ROBO3: variants seen among roughly 807,000 people sequenced by gnomAD.
ROBO3 encodes the protein roundabout homolog 3.
A neutral mutation model predicts 160.5 loss-of-function variants in ROBO3; 97 were observed. The observed-to-expected ratio is 0.60, with a 90% CI of 0.51 to 0.72. ROBO3 has a LOEUF of 0.72. Ranked by LOEUF, ROBO3 falls within the 30% of genes least tolerant of loss-of-function variation. ROBO3 has a pLI of 0.00. For synonymous variants in ROBO3, 780 were observed against 746.2 expected, an observed-to-expected ratio of 1.05 and a Z score of -0.74; for missense variants, 1,858 against 1,846.5, an observed-to-expected ratio of 1.01 and a Z score of -0.11.
At position 124,865,573 on chromosome 11, in the gene ROBO3, G is replaced by C; in HGVS notation, c.-5G>C. On this transcript the variant is annotated 5_prime_UTR_variant, in exon 1 of 28. Transcript: ENST00000397801. The surrounding 1 kb of genome is among the most constrained non-coding windows in gnomAD (Gnocchi z 5.5). ...CCCCAGTCCCGATCCCAGCTGGGTC[G>C]AGCCATGCTGCGCTACCTGCTGAAA... 6.2e-7 allele frequency: 1 copy of C among 1,610,670 alleles called. No individual in the cohort carries two copies. The highest frequency in any genetic ancestry group is 8.5e-7 in the Non-Finnish European group (1 of 1,179,552).
chr11:124,876,241 GC>G lies in ROBO3; in HGVS notation c.2594-30del. On this transcript the variant is annotated intron_variant, in intron 16 of 27. Transcript: ENST00000397801. The surrounding 1 kb of genome is among the most constrained non-coding windows in gnomAD (Gnocchi z 5.3). ...CCCTTTCCCAGTTCCAGGGTTTCGG[GC>G]CCCTCCTCCCCTCACTTCTCTGACC... is the stretch of plus-strand genomic sequence containing the variant. The G allele has an allele frequency of 6.7e-7, 1 of 1,494,638 alleles. No individual in the cohort carries two copies. Among genetic ancestry groups the G allele is most frequent in the Non-Finnish European group, 8.8e-7 (1 of 1,130,980 alleles). 92.6% of individuals were successfully genotyped at this position (1,494,638 alleles called of 1,614,324 possible).
intron 19 of ROBO3, 89 bp downstream of exon 19, chr11:124,877,398 TG>T: frequency 6.3e-7 from 1 of 1,579,460 alleles, no homozygotes; most frequent in Non-Finnish European, 8.7e-7. Context: ...GGAGGGAGCA[TG>T]GCCACCTCCC....
In ROBO3 at chr11:124,873,798, C is replaced by T. The variant is rs192962871; in HGVS notation, c.1720C>T (p.Leu574=). The change falls in exon 11 of 28, where the codon CTG becomes TTG. Residue 574 remains leucine (L), a synonymous_variant. Transcript: ENST00000397801. The surrounding 1 kb of genome is among the most constrained non-coding windows in gnomAD (Gnocchi z 4.5). ...TGAGATCACCAAGAACAGCATTACC[C>T]TGACCTGGAAGCCCAACCCACAAAC... ...VTEITKNSIT[L]TWKPNPQTGA... 606 of 1,613,912 alleles carry T rather than the reference C, an allele frequency of 3.8e-4. 2 individuals are homozygous for T. The African/African-American group carries it at 7.2e-3, about 19-fold the overall frequency.
chr11:124,872,533 C>T lies in ROBO3; in HGVS notation c.1311C>T (p.Ala437=), dbSNP rs559248805. Residue 437 remains alanine (A), a synonymous_variant, in exon 8 of 28, where the codon GCC becomes GCT. Transcript: ENST00000397801. The surrounding 1 kb of genome is among the most constrained non-coding windows in gnomAD (Gnocchi z 4.3). ...TGGCTGGCAGCATCCTGGCCAAGGC[C>T]CTGCTGGAGATAAAAGGAGGTACGT... is the stretch of plus-strand genomic sequence containing the variant. ...VSVAGSILAK[A]LLEIKGASLD... The T allele has an allele frequency of 3.1e-6, 5 of 1,613,470 alleles. No homozygotes were observed. In the South Asian group the frequency reaches 5.5e-5, roughly 18 times the overall value.
Position 124,865,718 on chromosome 11 carries a change from C to A in ROBO3, c.141C>A (p.Pro47=). ...CGCTCAACCACACCCTGCTGCCTCC[C>A]GGCGATCCCTCTCTCAACGGTGAGA... ...LAALNHTLLP[P]GDPSLNGSRV... The change falls in exon 1 of 28, where the codon CCC becomes CCA. Residue 47 remains proline (P), a synonymous_variant. Transcript: ENST00000397801. This position sits in a 1 kb window ranked among gnomAD's most constrained non-coding sequence, Gnocchi z 5.5. 6.2e-7 allele frequency: 1 copy of A among 1,609,642 alleles called. No individual in the cohort carries two copies. The highest frequency in any genetic ancestry group is 8.5e-7 in the Non-Finnish European group (1 of 1,178,616).
chr11:124,871,104 C>T lies in ROBO3; in HGVS notation c.1124C>T (p.Pro375Leu), dbSNP rs1417260501. Residue 375 changes from proline to leucine, a missense_variant, in exon 7 of 28, where the codon CCA becomes CTA. Pro to Leu is a moderately conservative substitution (Grantham distance 98). Transcript: ENST00000397801. ...AFQCETKGNP[P>L]PAIFWQKEGS... Reference sequence around the variant, plus strand: ...CAGTGCGAGACCAAAGGAAACCCCCCACCTGCCATCTTCTGGCAGAAGGAG... The same window carrying T: ...CAGTGCGAGACCAAAGGAAACCCCCTACCTGCCATCTTCTGGCAGAAGGAG... The T allele has an allele frequency of 8.1e-6, 13 of 1,613,470 alleles. No individual in the cohort carries two copies. Among genetic ancestry groups the T allele is most frequent in the African/African-American group, 1.3e-5 (1 of 74,936 alleles).
chr11:124,875,465 T>C (rs1190455279), intron 14 of ROBO3, 99 bp from the exon 15 acceptor site: 5 of 1,577,518 alleles, frequency 3.2e-6, no homozygotes, highest in Non-Finnish European at 4.3e-6. Context: ...GGCTCTCAGT[T>C]CCCTAAGATG....
intron 7 of ROBO3, among the ~76,000 whole-genome samples, chr11:124,871,687 G>T: frequency 6.6e-6 from 1 of 152,160 alleles, no homozygotes; most frequent in Non-Finnish European, 1.5e-5. Flanking sequence ...CTCTCTAAAG[G>T]AAGGGTAGGA....
chr11:124,870,327 A>G (rs1946264509), intron 5 of ROBO3, 24 bp downstream of exon 5: 1 of 1,606,440 alleles, frequency 6.2e-7, no homozygotes, highest in African/African-American at 1.3e-5. Context: ...TTCTGCCTGT[A>G]GGAAGACCCA....
At position 124,878,657 on chromosome 11, in the gene ROBO3, T is replaced by C; in HGVS notation, c.3394T>C (p.Cys1132Arg). The C allele has an allele frequency of 1.2e-6, 2 of 1,611,610 alleles. No homozygotes were observed. The highest frequency in any genetic ancestry group is 2.2e-5 in the South Asian group (2 of 90,750). The stretch of plus-strand genomic sequence containing the variant: ...GACGGAGCCCAGCTCCAGTGGAGGG[T>C]GCCTGGTCACCCCATCCCGAAGGGA... ...HLTEPSSSGGCLVTPSRRETP... is the reference protein window; with the variant it reads ...HLTEPSSSGGRLVTPSRRETP... The change falls in exon 23 of 28, where the codon TGC becomes CGC. Residue 1132 changes from cysteine (C) to arginine (R), a missense_variant. Cys to Arg is a radical substitution (Grantham distance 180). Coordinates refer to ENST00000397801, the MANE Select transcript of ROBO3 (RefSeq NM_022370.4). This position sits in a 1 kb window ranked among gnomAD's most constrained non-coding sequence, Gnocchi z 4.3.
intron 23 of ROBO3, 154 bp from the exon 24 acceptor site, chr11:124,879,036 C>A: frequency 1.1e-6 from 1 of 908,922 alleles, no homozygotes; most frequent in Non-Finnish European, 1.7e-6. Flanking sequence ...TCAGATATGG[C>A]TCTCCTTATG....
Position 124,873,550 on chromosome 11 carries a change from G to A in ROBO3, c.1619-147G>A. Reference sequence around the variant, plus strand: ...AAGGACAGTAGTGGTACCCATGGGAGGCAGATGTGAGTAGGGGTTCATATA... The same window carrying A: ...AAGGACAGTAGTGGTACCCATGGGAAGCAGATGTGAGTAGGGGTTCATATA... On this transcript the variant is annotated intron_variant, in intron 10 of 27. Transcript: ENST00000397801. The surrounding 1 kb of genome is among the most constrained non-coding windows in gnomAD (Gnocchi z 4.5). 1 of 958,072 alleles carries A rather than the reference G, an allele frequency of 1.0e-6. No homozygotes were observed. Among genetic ancestry groups the A allele is most frequent in the Non-Finnish European group, 1.6e-6 (1 of 636,408 alleles). The allele number at this position is 958,072 out of a possible 1,614,324, so 59.3% of individuals were successfully genotyped here. A position where few individuals can be genotyped will look rare whatever the true frequency, so the allele number is the denominator to read the frequency against.
In ROBO3 at chr11:124,876,486, G is replaced by C. The variant is rs1043384867; in HGVS notation, c.2779+26G>C. 1 of 1,358,004 alleles carries C rather than the reference G, an allele frequency of 7.4e-7. No homozygotes were observed. Among genetic ancestry groups the C allele is most frequent in the Non-Finnish European group, 9.4e-7 (1 of 1,060,722 alleles). 84.1% of individuals were successfully genotyped at this position (1,358,004 alleles called of 1,614,324 possible). A position where few individuals can be genotyped will look rare whatever the true frequency, so the allele number is the denominator to read the frequency against. ...GTGAGCTCCCGGCCTCGGAGCGGAC[G>C]GATCCGGGAGGGAGCCAGGCGGCCC... is the stretch of plus-strand genomic sequence containing the variant. On this transcript the variant is annotated intron_variant, in intron 17 of 27. Coordinates refer to ENST00000397801, the MANE Select transcript of ROBO3 (RefSeq NM_022370.4). The surrounding 1 kb of genome is among the most constrained non-coding windows in gnomAD (Gnocchi z 5.3).
chr11:124,870,641 G>A lies in ROBO3; in HGVS notation c.946G>A (p.Val316Met). The change falls in exon 6 of 28, where the codon GTG becomes ATG. Residue 316 changes from valine to methionine, a missense_variant. Physicochemically the swap from Val to Met is conservative, Grantham distance 21 (BLOSUM62 1). Transcript: ENST00000397801. ...RSDHSLWIGH[V>M]SAEDEGTYTC... Reference sequence around the variant, plus strand: ...TGACCACAGCCTTTGGATTGGGCATGTGAGTGCCGAAGATGAGGGAACGTA... The same window carrying A: ...TGACCACAGCCTTTGGATTGGGCATATGAGTGCCGAAGATGAGGGAACGTA... 1 of 1,613,712 alleles carries A rather than the reference G, an allele frequency of 6.2e-7. No individual in the cohort carries two copies.
chr11:124,879,508 A>G lies in ROBO3; in HGVS notation c.3729A>G (p.Gln1243=). Residue 1243 remains glutamine (Q), a synonymous_variant, in exon 25 of 28, where the codon CAA becomes CAG. Coordinates refer to ENST00000397801, the MANE Select transcript of ROBO3 (RefSeq NM_022370.4). ...ATGGGGAGATGACTCCCCCACTTCAAGGACCCCGTGCTCGATTCCGGAAGA... is the reference window on the plus strand; with the variant it reads ...ATGGGGAGATGACTCCCCCACTTCAGGGACCCCGTGCTCGATTCCGGAAGA... ...QGNGEMTPPL[Q]GPRARFRKKP... The G allele has an allele frequency of 6.2e-7, 1 of 1,613,868 alleles. No individual in the cohort carries two copies. The highest frequency in any genetic ancestry group is 8.5e-7 in the Non-Finnish European group (1 of 1,179,848).
At chr11:124,880,261 C>G (rs576420060) in intron 26 of ROBO3, among the ~76,000 whole-genome samples, 157 bp from the exon 27 acceptor site, 3 of 152,220 alleles carry the variant, frequency 2.0e-5, no homozygotes, top group Non-Finnish European at 4.4e-5. Context: ...GGCCATGTGC[C>G]GGTCACTCTG....
rs1010020965 is a variant in ROBO3, at chr11:124,871,131, G to C, written c.1151G>C (p.Gly384Ala). 3 of 1,612,528 alleles carry C rather than the reference G, an allele frequency of 1.9e-6. No homozygotes were observed. In the African/African-American group the frequency reaches 4.0e-5, roughly 22 times the overall value. The stretch of plus-strand genomic sequence containing the variant: ...CCTGCCATCTTCTGGCAGAAGGAGG[G>C]GAGTCAGGTGGGTGGCCATCTCCAA... ...PPPAIFWQKE[G>A]SQVLLFPSQS... Residue 384 changes from glycine (G) to alanine (A), a missense_variant, in exon 7 of 28, where the codon GGG (glycine) becomes GCG (alanine). Gly to Ala is a moderately conservative substitution (Grantham distance 60). Coordinates refer to ENST00000397801, the MANE Select transcript of ROBO3 (RefSeq NM_022370.4).
chr11:124,873,149 C>A lies in ROBO3; in HGVS notation c.1536+60C>A. 6.5e-7 allele frequency: 1 copy of A among 1,543,626 alleles called. No homozygotes were observed. Among genetic ancestry groups the A allele is most frequent in the Admixed American group, 1.7e-5 (1 of 58,792 alleles). ...ATGGCTATCTGCTCCACGTTCCTTA[C>A]ACAAGTAAGTACTCACTGGGCCTGT... On this transcript the variant is annotated intron_variant, in intron 9 of 27. Coordinates refer to ENST00000397801, the MANE Select transcript of ROBO3 (RefSeq NM_022370.4). The surrounding 1 kb of genome is among the most constrained non-coding windows in gnomAD (Gnocchi z 4.5).
chr11:124,879,635 C>T, intron 25 of ROBO3, 60 bp downstream of exon 25: 2 of 1,535,516 alleles, frequency 1.3e-6, no homozygotes. Context: ...GGCAGGAAAC[C>T]AAGGGTGCAC....
Sources: gnomAD v4.1 joint callset for allele counts (sites outside exome capture counted in the v4.1 genomes callset) on GRCh38, gnomAD v4.1.1 for gene constraint, Gnocchi (gnomAD v3.1) non-coding constraint, MANE v1.5 for transcripts, NCBI Gene and HGNC (gene_info 2026-07-23, HGNC 2026-07-21) for gene names.